FSIP2: variants seen among roughly 807,000 people sequenced by gnomAD.
FSIP2 encodes the protein fibrous sheath interacting protein 2.
Under a neutral mutation model 510.5 loss-of-function variants are expected in FSIP2, and 367 were observed. The observed-to-expected ratio is 0.72, with a 90% CI of 0.66 to 0.78. The LOEUF (loss-of-function observed/expected upper bound fraction) is 0.78. FSIP2 is among the 30% of genes least tolerant of loss of function. The pLI, the probability that FSIP2 is intolerant of heterozygous loss-of-function variation, is 0.00. For synonymous variants in FSIP2, 2,601 were observed against 2,732.2 expected, an observed-to-expected ratio of 0.95 and a Z score of 1.50; for missense variants, 7,594 against 7,901.7, an observed-to-expected ratio of 0.96 and a Z score of 1.48.
At chr2:185,832,642 G>T (rs1402022786) in intron 22 of FSIP2, among the ~76,000 whole-genome samples, 2 of 151,574 alleles carry the variant, frequency 1.3e-5, no homozygotes, top group African/African-American at 4.8e-5. Flanking sequence ...AAAGCCTCAT[G>T]CTGAATAAGA....
Position 185,813,917 on chromosome 2 carries a change from T to G in FSIP2, c.20200T>G (p.Ser6734Ala). 1 of 1,613,654 alleles carries G rather than the reference T, an allele frequency of 6.2e-7. No individual in the cohort carries two copies. Among genetic ancestry groups the G allele is most frequent in the Non-Finnish European group, 8.5e-7 (1 of 1,179,752 alleles). Residue 6734 changes from serine to alanine, a missense_variant, in exon 18 of 23, where the codon TCA becomes GCA. Ser to Ala is a moderately conservative substitution (Grantham distance 99). Transcript: ENST00000424728. ...SANIESTEAISNQVIESKETH... is the reference protein window; with the variant it reads ...SANIESTEAIANQVIESKETH... ...AAATATTGAAAGTACTGAAGCAATC[T>G]CAAATCAGGTAATAGAATCCAAGGA...
In FSIP2 at chr2:185,738,871, G is replaced by A; in HGVS notation, c.-24G>A. 1.3e-6 allele frequency: 2 copies of A among 1,517,980 alleles called. No homozygotes were observed. The highest frequency in any genetic ancestry group is 1.2e-5 in the South Asian group (1 of 83,608). 94.0% of individuals were successfully genotyped at this position (1,517,980 alleles called of 1,614,324 possible). A position where few individuals can be genotyped will look rare whatever the true frequency, so the allele number is the denominator to read the frequency against. On this transcript the variant is annotated 5_prime_UTR_variant, in exon 1 of 23. Transcript: ENST00000424728. ...GAAGGAGAGCGGGGCGGGTGAGGAAGGGGCTGAGGGGGCTGTGCCGGCCAT... is the reference window on the plus strand; with the variant it reads ...GAAGGAGAGCGGGGCGGGTGAGGAAAGGGCTGAGGGGGCTGTGCCGGCCAT...
Position 185,791,639 on chromosome 2 carries a change from T to A in FSIP2, c.4503T>A (p.Asp1501Glu). Residue 1501 changes from aspartate to glutamate, a missense_variant, in exon 16 of 23, where the codon GAT (aspartate) becomes GAA (glutamate). Coordinates refer to ENST00000424728, the MANE Select transcript of FSIP2 (RefSeq NM_173651.4). ...ILAKLCGVDM[D>E]TSFASCGLKA... ...CAAAATTATGTGGTGTTGACATGGA[T>A]ACCAGTTTTGCAAGTTGTGGATTAA... The A allele has an allele frequency of 1.3e-6, 2 of 1,534,118 alleles. No homozygotes were observed. The highest frequency in any genetic ancestry group is 8.7e-7 in the Non-Finnish European group (1 of 1,145,530).
Position 185,792,759 on chromosome 2 carries a change from T to C in FSIP2, c.5623T>C (p.Ser1875Pro), listed in dbSNP as rs552649562. 7.2e-6 allele frequency: 11 copies of C among 1,534,294 alleles called. No homozygotes were observed. In the East Asian group the frequency reaches 2.2e-4, roughly 31 times the overall value. The change falls in exon 16 of 23, where the codon TCA (serine) becomes CCA (proline). Residue 1875 changes from serine to proline, a missense_variant. Coordinates refer to ENST00000424728, the MANE Select transcript of FSIP2 (RefSeq NM_173651.4). ...AAATAGGTATAAAACTATCACTTTT[T>C]CAGCAAATGTTTCTTCTCATGAACA... ...RENRYKTITF[S>P]ANVSSHEHTY...
rs1693204158 is a variant in FSIP2 at position 185,793,964 on chromosome 2, T to C, written c.6828T>C (p.Ala2276=). ...GAATAGATTCATTAATTACCCTTGCTTTCCAAAGTAAAGAAAAGTCATTTG... is the reference window on the plus strand; with the variant it reads ...GAATAGATTCATTAATTACCCTTGCCTTCCAAAGTAAAGAAAAGTCATTTG... ...TERIDSLITL[A]FQSKEKSFVI... The change falls in exon 16 of 23, where the codon GCT becomes GCC. Residue 2276 remains alanine (A), a synonymous_variant. Transcript: ENST00000424728. The C allele has an allele frequency of 1.3e-6, 2 of 1,528,516 alleles. No individual in the cohort carries two copies. 94.7% of individuals were successfully genotyped at this position (1,528,516 alleles called of 1,614,324 possible).
At chr2:185,776,036 G>A (rs546678717) in intron 13 of FSIP2, among the ~76,000 whole-genome samples, 7 of 152,268 alleles carry the variant, frequency 4.6e-5, no homozygotes, top group East Asian at 1.9e-4. Context: ...TTGGGAGGCC[G>A]AGACGGGTGC....
intron 13 of FSIP2, chr2:185,765,759 A>C (rs1202504654): frequency 6.6e-6 from 1 of 151,886 alleles, no homozygotes; most frequent in Non-Finnish European, 1.5e-5. Context: ...CACGATATTG[A>C]TTCTTCCTAC....
In FSIP2 at chr2:185,792,947, A is replaced by C; in HGVS notation, c.5811A>C (p.Lys1937Asn). The change falls in exon 16 of 23, where the codon AAA becomes AAC. Residue 1937 changes from lysine to asparagine, a missense_variant. Coordinates refer to ENST00000424728, the MANE Select transcript of FSIP2 (RefSeq NM_173651.4). ...NLETFATSKV[K>N]SLFYSQVNFT... ...AAACTTTTGCTACTTCCAAAGTAAAATCTCTCTTTTATTCTCAAGTCAACT... is the reference window on the plus strand; with the variant it reads ...AAACTTTTGCTACTTCCAAAGTAAACTCTCTCTTTTATTCTCAAGTCAACT... The C allele has an allele frequency of 6.5e-7, 1 of 1,534,274 alleles. No homozygotes were observed. The highest frequency in any genetic ancestry group is 8.7e-7 in the Non-Finnish European group (1 of 1,145,666).
chr2:185,797,669 G>T (rs1693324018), intron 16 of FSIP2, 143 bp downstream of exon 16: 1 of 748,202 alleles, frequency 1.3e-6, no homozygotes, highest in Non-Finnish European at 2.2e-6. Context: ...CTACTGAGTT[G>T]CACTTTAATT....
chr2:185,833,173 T>A lies in FSIP2; in HGVS notation c.20671T>A (p.Cys6891Ser). 6.2e-7 allele frequency: 1 copy of A among 1,610,204 alleles called. No individual in the cohort carries two copies. Among genetic ancestry groups the A allele is most frequent in the Non-Finnish European group, 8.5e-7 (1 of 1,177,136 alleles). The change falls in exon 23 of 23, where the codon TGT (cysteine) becomes AGT (serine). Residue 6891 changes from cysteine (C) to serine (S), a missense_variant. Cys to Ser is a moderately radical substitution (Grantham distance 112). Coordinates refer to ENST00000424728, the MANE Select transcript of FSIP2 (RefSeq NM_173651.4). ...AACTTTGTCAAAGGTGTTTTCTCAA[T>A]GTAACACCAATATTTCCAGATCTTC... is the stretch of plus-strand genomic sequence containing the variant. ...SSTLSKVFSQCNTNISRSSSP... is the reference protein window; with the variant it reads ...SSTLSKVFSQSNTNISRSSSP...
Position 185,808,083 on chromosome 2 carries a change from T to C in FSIP2, c.18777T>C (p.Ser6259=). ...IENIVNSIYT[S]VLKHSGSYTS... Reference sequence around the variant, plus strand: ...ACATAGTTAATTCTATTTATACCAGTGTTTTAAAGCACTCTGGCTCTTATA... The same window carrying C: ...ACATAGTTAATTCTATTTATACCAGCGTTTTAAAGCACTCTGGCTCTTATA... The change falls in exon 17 of 23, where the codon AGT becomes AGC. Residue 6259 remains serine (S), a synonymous_variant. Transcript: ENST00000424728. The C allele has an allele frequency of 6.2e-7, 1 of 1,607,974 alleles. No homozygotes were observed. Among genetic ancestry groups the C allele is most frequent in the Non-Finnish European group, 8.5e-7 (1 of 1,177,806 alleles).
At chr2:185,818,852 A>G (rs896793558) in intron 19 of FSIP2, among the ~76,000 whole-genome samples, 4 of 151,936 alleles carry the variant, frequency 2.6e-5, no homozygotes, top group Non-Finnish European at 4.4e-5. Flanking sequence ...GAAAAATGAA[A>G]TGATGCTAGA....
chr2:185,769,124 G>A (rs967297387), intron 13 of FSIP2, among the ~76,000 whole-genome samples: 2 of 152,098 alleles, frequency 1.3e-5, no homozygotes, highest in Admixed American at 6.6e-5. Flanking sequence ...TGATAGAATG[G>A]TGTATGGTTC....
rs1693464510 is a variant in FSIP2 at position 185,802,503 on chromosome 2, C to A, written c.13197C>A (p.Gly4399=). 6.5e-7 allele frequency: 1 copy of A among 1,532,268 alleles called. No homozygotes were observed. The highest frequency in any genetic ancestry group is 8.7e-7 in the Non-Finnish European group (1 of 1,144,886). 94.9% of individuals were successfully genotyped at this position (1,532,268 alleles called of 1,614,324 possible). Residue 4399 remains glycine, a synonymous_variant, in exon 17 of 23, where the codon GGC becomes GGA. Coordinates refer to ENST00000424728, the MANE Select transcript of FSIP2 (RefSeq NM_173651.4). ...TTGATAAAGAGTCTGAAGACAGTGG[C>A]ATTTTTGTGGAAAATATTACCAATT... is the stretch of plus-strand genomic sequence containing the variant. ...LAVDKESEDS[G]IFVENITNLI... is the part of the protein sequence containing the mutation.
chr2:185,792,175 AGT>A lies in FSIP2; in HGVS notation c.5040_5041del (p.Tyr1681CysfsTer15). The A allele has an allele frequency of 6.5e-7, 1 of 1,532,378 alleles. No individual in the cohort carries two copies. Among genetic ancestry groups the A allele is most frequent in the Admixed American group, 2.0e-5 (1 of 50,612 alleles). The allele number at this position is 1,532,378 out of a possible 1,614,324, so 94.9% of individuals were successfully genotyped here. On this transcript the variant is annotated frameshift_variant, in exon 16 of 23. Transcript: ENST00000424728. LOFTEE classifies it high-confidence loss of function. ...CCACCACCTGAGACTCAAATACTTA[AGT>A]ATGTAGTCAAGTTAATTTTAGATGC...
At chr2:185,821,815 A>C (rs1285573221) in intron 19 of FSIP2, among the ~76,000 whole-genome samples, 1 of 151,808 alleles carries the variant, frequency 6.6e-6, no homozygotes, top group Admixed American at 6.6e-5. Context: ...GGTCCCAGCT[A>C]CTAAGGAGGC....
chr2:185,792,910 T>A lies in FSIP2; in HGVS notation c.5774T>A (p.Leu1925Ter). ...NLAEDIVQAI[L>*]TNLETFATSK... Reference sequence around the variant, plus strand: ...GCTGAAGATATTGTACAGGCAATATTAACAAATTTAGAAACTTTTGCTACT... The same window carrying A: ...GCTGAAGATATTGTACAGGCAATATAAACAAATTTAGAAACTTTTGCTACT... The change falls in exon 16 of 23, where the codon TTA becomes TAA. Residue 1925 changes from leucine (L) to a stop codon, truncating the protein, a stop_gained. Transcript: ENST00000424728. LOFTEE classifies it high-confidence loss of function. The A allele has an allele frequency of 6.5e-7, 1 of 1,533,968 alleles. No individual in the cohort carries two copies. Among genetic ancestry groups the A allele is most frequent in the Non-Finnish European group, 8.7e-7 (1 of 1,145,432 alleles).
rs370902861 is a variant in FSIP2 at position 185,807,063 on chromosome 2, C to G, written c.17757C>G (p.Ser5919=). 13 of 1,591,318 alleles carry G rather than the reference C, an allele frequency of 8.2e-6. No individual in the cohort carries two copies. In the East Asian group the frequency reaches 1.6e-4, roughly 19 times the overall value. ...CATTGGTCAATAAAGTTGTTCACTC[C>G]TCTGTTTGTAATATTTTAAATGACT... ...DKTLVNKVVH[S]SVCNILNDYG... The change falls in exon 17 of 23, where the codon TCC becomes TCG. Residue 5919 remains serine, a synonymous_variant. Coordinates refer to ENST00000424728, the MANE Select transcript of FSIP2 (RefSeq NM_173651.4).
chr2:185,761,635 C>T (rs939147727), intron 10 of FSIP2, among the ~76,000 whole-genome samples: 5 of 151,112 alleles, frequency 3.3e-5, no homozygotes, highest in Non-Finnish European at 5.9e-5. Context: ...GAATGGATTA[C>T]ATTGGATTTC....
Sources: allele counts gnomAD v4.1 joint callset (sites outside exome capture counted in the v4.1 genomes callset), GRCh38; gene constraint gnomAD v4.1.1; transcripts MANE v1.5; gene names NCBI Gene and HGNC (gene_info 2026-07-23, HGNC 2026-07-21).